The following STIM2 variants were observed in gnomAD, a reference collection of about 807,000 sequenced individuals.
STIM2 encodes stromal interaction molecule 2.
In STIM2, 31 loss-of-function variants were observed where a neutral mutation model predicts 85.8. The observed-to-expected ratio is 0.36, with a 90% CI of 0.27 to 0.49. The LOEUF (loss-of-function observed/expected upper bound fraction) is 0.49. STIM2 is among the 20% of genes least tolerant of loss of function. STIM2 has a pLI of 0.98. For synonymous variants in STIM2, 356 were observed against 331.1 expected, an observed-to-expected ratio of 1.08 and a Z score of -0.82; for missense variants, 841 against 927.6, an observed-to-expected ratio of 0.91 and a Z score of 1.21.
chr4:26,919,705 A>G (rs1724726752), intron 2 of STIM2, 71 bp downstream of exon 2: 7 of 1,556,118 alleles, frequency 4.5e-6, no homozygotes, highest in Middle Eastern at 2.0e-4. Flanking sequence ...CTGGTCTTCA[A>G]TTTTCTCTTT....
intron 3 of STIM2, among the ~76,000 whole-genome samples, chr4:26,974,410 C>T (rs925168789): frequency 2.0e-5 from 3 of 152,160 alleles, no homozygotes; most frequent in Non-Finnish European, 4.4e-5. Context: ...CCTTCAGGAG[C>T]TCTTGTAAGG....
chr4:26,995,556 C>A, intron 4 of STIM2, 66 bp downstream of exon 4: 1 of 941,948 alleles, frequency 1.1e-6, no homozygotes, highest in Non-Finnish European at 1.6e-6. Context: ...GTCATTTCCC[C>A]ATACTGAATC....
chr4:26,950,170 C>G (rs964264993), intron 2 of STIM2, among the ~76,000 whole-genome samples: 3 of 152,092 alleles, frequency 2.0e-5, no homozygotes, highest in Admixed American at 2.0e-4. Context: ...TCAAAAAGAA[C>G]CAGTGACAGC....
intron 1 of STIM2, among the ~76,000 whole-genome samples, chr4:26,892,521 A>G (rs998894007): frequency 6.6e-6 from 1 of 152,084 alleles, no homozygotes; most frequent in Non-Finnish European, 1.5e-5. Context: ...TAACATATGA[A>G]TTTTTTTGGG....
intron 3 of STIM2, among the ~76,000 whole-genome samples, chr4:26,975,239 T>A (rs1727136404): frequency 6.6e-6 from 1 of 152,246 alleles, no homozygotes; most frequent in Admixed American, 6.5e-5. Flanking sequence ...AGCCTACTTC[T>A]GTCAACTTGT....
chr4:26,885,859 A>ATATATATATGTGTATATATATATATATG (rs1553845029), intron 1 of STIM2, among the ~76,000 whole-genome samples: 2 of 89,440 alleles, frequency 2.2e-5, no homozygotes, highest in African/African-American at 4.2e-5. Context: ...ATATATATAT[A>ATATATATATGTGTATATATATATATATG]TATATATATA....
intron 11 of STIM2, chr4:27,021,124 C>T (rs1728894873): frequency 2.1e-6 from 3 of 1,432,314 alleles, no homozygotes; most frequent in Admixed American, 2.0e-5. Context: ...TTCATTCATT[C>T]ACCCACCCTT....
At chr4:27,014,057 G>A (rs1303200024) in intron 10 of STIM2, among the ~76,000 whole-genome samples, 1 of 151,840 alleles carries the variant, frequency 6.6e-6, no homozygotes, top group Non-Finnish European at 1.5e-5. Context: ...AAAAATCTCA[G>A]TTACATCTTT....
intron 4 of STIM2, among the ~76,000 whole-genome samples, chr4:26,996,853 A>G (rs1225133607): frequency 6.6e-6 from 1 of 152,140 alleles, no homozygotes; most frequent in Non-Finnish European, 1.5e-5. Flanking sequence ...TTGTTTGTTT[A>G]ACAACAACAT....
intron 11 of STIM2, chr4:27,019,682 ATTTT>A (rs34654053): frequency 3.2e-6 from 1 of 313,928 alleles, no homozygotes; most frequent in African/African-American, 2.2e-5. Flanking sequence ...ATATTTACTG[ATTTT>A]TTTTTTTTAT....
At chr4:26,872,902 T>G (rs1722677788) in intron 1 of STIM2, among the ~76,000 whole-genome samples, 1 of 152,188 alleles carries the variant, frequency 6.6e-6, no homozygotes, top group Non-Finnish European at 1.5e-5. Flanking sequence ...AAGAGCCAAG[T>G]CTGAAGAATT....
chr4:26,888,300 CT>C (rs1350839286), intron 1 of STIM2, among the ~76,000 whole-genome samples: 1 of 152,136 alleles, frequency 6.6e-6, no homozygotes, highest in Non-Finnish European at 1.5e-5. Flanking sequence ...TATGAATATC[CT>C]TCAAACAACT....
rs906722886 is a variant in STIM2, at chr4:26,957,808, C to G, written c.397+82C>G. On this transcript the variant is annotated intron_variant, in intron 3 of 11. Coordinates refer to ENST00000467087, the MANE Select transcript of STIM2 (RefSeq NM_020860.4). The stretch of plus-strand genomic sequence containing the variant: ...TTGTTCTCAACTCACTTATAGTATG[C>G]TTTTACCAAAAAAATCAAAATAACA... 13 of 783,034 alleles carry G rather than the reference C, an allele frequency of 1.7e-5. No individual in the cohort carries two copies. In the African/African-American group the frequency reaches 2.0e-4, roughly 12 times the overall value. The allele number at this position is 783,034 out of a possible 1,614,324, so 48.5% of individuals were successfully genotyped here. A position where few individuals can be genotyped will look rare whatever the true frequency, so the allele number is the denominator to read the frequency against.
At chr4:26,875,103 C>A (rs928191231) in intron 1 of STIM2, among the ~76,000 whole-genome samples, 3 of 152,152 alleles carry the variant, frequency 2.0e-5, no homozygotes, top group African/African-American at 7.2e-5. Flanking sequence ...ATACAATTCA[C>A]AATGATAAAT....
At chr4:26,908,468 C>T (rs546173852) in intron 1 of STIM2, among the ~76,000 whole-genome samples, 2 of 151,896 alleles carry the variant, frequency 1.3e-5, no homozygotes, top group South Asian at 4.1e-4. Context: ...AGTAAAGCAC[C>T]CAGTCATTTT....
intron 3 of STIM2, among the ~76,000 whole-genome samples, chr4:26,990,806 G>A (rs12331378): frequency 0.32 from 48,839 of 151,876 alleles, 8,195 homozygotes; most frequent in African/African-American, 0.41. Context: ...AGACATACCA[G>A]TGGCCCACAG....
intron 2 of STIM2, among the ~76,000 whole-genome samples, chr4:26,920,177 G>A (rs557679296): frequency 6.6e-6 from 1 of 152,248 alleles, no homozygotes; most frequent in African/African-American, 2.4e-5. Flanking sequence ...TTACAGCACG[G>A]CAGCTAGTGT....
At chr4:26,943,645 C>T (rs1024540618) in intron 2 of STIM2, among the ~76,000 whole-genome samples, 4 of 151,882 alleles carry the variant, frequency 2.6e-5, no homozygotes, top group Non-Finnish European at 5.9e-5. Flanking sequence ...TCTGATAGAC[C>T]CCAATCCAAG....
intron 1 of STIM2, among the ~76,000 whole-genome samples, chr4:26,891,894 C>T (rs1192854221): frequency 6.6e-6 from 1 of 152,164 alleles, no homozygotes; most frequent in Non-Finnish European, 1.5e-5. Flanking sequence ...ACCCAAGTCT[C>T]ATCTTGCGGC....
Sources: gnomAD v4.1 joint callset for allele counts (sites outside exome capture counted in the v4.1 genomes callset) on GRCh38, gnomAD v4.1.1 for gene constraint, MANE v1.5 for transcripts, NCBI Gene and HGNC (gene_info 2026-07-23, HGNC 2026-07-21) for gene names.